The following GPC5 variants were observed in gnomAD, a reference collection of about 807,000 sequenced individuals.
The protein encoded by GPC5 is glypican-5.
GPC5 carries 47 observed loss-of-function variants against 53.9 expected under a neutral mutation model. That is an observed-to-expected ratio of 0.87 (90% confidence interval 0.69 to 1.11). GPC5 has a LOEUF of 1.11. Among genes scored for constraint, GPC5 ranks in the 50% most tolerant of loss-of-function variants. The pLI, the probability that GPC5 is intolerant of heterozygous loss-of-function variation, is 0.00. For synonymous variants in GPC5, 286 were observed against 263.3 expected, an observed-to-expected ratio of 1.09 and a Z score of -0.84; for missense variants, 748 against 713.1, an observed-to-expected ratio of 1.05 and a Z score of -0.56.
intron 2 of GPC5, among the ~76,000 whole-genome samples, chr13:91,555,478 G>T (rs1331629479): frequency 1.3e-5 from 2 of 151,860 alleles, no homozygotes; most frequent in African/African-American, 4.8e-5. Context: ...CGAGTACAGA[G>T]ATCCACCATT....
At chr13:92,399,744 A>G (rs150946661) in intron 7 of GPC5, among the ~76,000 whole-genome samples, 10 of 152,254 alleles carry the variant, frequency 6.6e-5, no homozygotes, top group Middle Eastern at 6.8e-3. Flanking sequence ...GCTGCTCCTT[A>G]AGACTTATTC....
At chr13:92,214,508 A>T (rs1246630194) in intron 7 of GPC5, among the ~76,000 whole-genome samples, 1 of 152,150 alleles carries the variant, frequency 6.6e-6, no homozygotes, top group East Asian at 1.9e-4. Context: ...AAGCCTTCAG[A>T]TACTATTCAC....
At chr13:92,061,384 T>C (rs982743954) in intron 6 of GPC5, among the ~76,000 whole-genome samples, 2 of 151,930 alleles carry the variant, frequency 1.3e-5, no homozygotes, top group Non-Finnish European at 2.9e-5. Flanking sequence ...AAACTAGAAA[T>C]TGAGTTATAG....
chr13:92,473,339 G>C (rs1349050023), intron 7 of GPC5, among the ~76,000 whole-genome samples: 2 of 152,122 alleles, frequency 1.3e-5, no homozygotes, highest in Non-Finnish European at 2.9e-5. Context: ...CGATCACACT[G>C]TTTCTCTTCA....
chr13:91,451,089 A>G (rs764858990), intron 2 of GPC5, among the ~76,000 whole-genome samples: 2 of 152,172 alleles, frequency 1.3e-5, no homozygotes, highest in Non-Finnish European at 2.9e-5. Context: ...AAAACAATAT[A>G]AAGTCTTTAT....
chr13:92,327,028 T>A (rs2043256950), intron 7 of GPC5, among the ~76,000 whole-genome samples: 2 of 152,082 alleles, frequency 1.3e-5, no homozygotes, highest in Non-Finnish European at 1.5e-5. Flanking sequence ...TGTTTCAGGG[T>A]TCTCTTTGTT....
At chr13:91,781,785 T>C (rs1311616255) in intron 5 of GPC5, among the ~76,000 whole-genome samples, 4 of 152,212 alleles carry the variant, frequency 2.6e-5, no homozygotes, top group Admixed American at 6.5e-5. Flanking sequence ...CCAAAGCTTG[T>C]GACTTTTAAT....
In GPC5 at chr13:92,752,851, T is replaced by C. The variant is rs577731659; in HGVS notation, c.1562-113431T>C. ...CTCGGAGGGACCTACGCCCAGGGAG[T>C]CTCGCTGATTGCTAGCACAGCAGTC... On this transcript the variant is annotated intron_variant, in intron 7 of 7. Coordinates refer to ENST00000377067, the MANE Select transcript of GPC5 (RefSeq NM_004466.6). Among the ~76,000 whole-genome samples, 4 of 151,052 alleles carry C rather than the reference T, an allele frequency of 2.6e-5. No individual in the cohort carries two copies. In the East Asian group the frequency reaches 5.9e-4, roughly 22 times the overall value.
At chr13:92,213,703 A>T (rs2042391028) in intron 7 of GPC5, among the ~76,000 whole-genome samples, 1 of 152,196 alleles carries the variant, frequency 6.6e-6, no homozygotes, top group Non-Finnish European at 1.5e-5. Flanking sequence ...AATAATAAAG[A>T]GTTCCTTTAT....
chr13:92,678,438 A>T (rs571611823), intron 7 of GPC5, among the ~76,000 whole-genome samples: 1 of 142,248 alleles, frequency 7.0e-6, no homozygotes, highest in East Asian at 2.0e-4. Flanking sequence ...GTATAAGAAC[A>T]TTCTCCATCA....
intron 7 of GPC5, among the ~76,000 whole-genome samples, chr13:92,178,164 C>T (rs1234504760): frequency 3.3e-5 from 5 of 152,184 alleles, no homozygotes. Context: ...GAAACAATTG[C>T]TTCAGTGAGC....
intron 2 of GPC5, among the ~76,000 whole-genome samples, chr13:91,477,735 G>C (rs151088393): frequency 6.6e-6 from 1 of 152,302 alleles, no homozygotes; most frequent in Non-Finnish European, 1.5e-5. Flanking sequence ...GCCAGGGCAA[G>C]AGTGAATTCT....
intron 2 of GPC5, among the ~76,000 whole-genome samples, chr13:91,601,289 TA>T (rs1236206515): frequency 1.3e-5 from 2 of 152,194 alleles, no homozygotes; most frequent in African/African-American, 4.8e-5. Context: ...AAATATTACC[TA>T]ATGAAATTTA....
intron 6 of GPC5, among the ~76,000 whole-genome samples, chr13:92,061,264 C>T (rs565201224): frequency 6.6e-5 from 10 of 152,080 alleles, no homozygotes; most frequent in African/African-American, 2.4e-4. Flanking sequence ...AAACCTATTG[C>T]ATTTGCAAGA....
At chr13:92,720,557 TTC>T (rs1388414954) in intron 7 of GPC5, among the ~76,000 whole-genome samples, 2 of 152,236 alleles carry the variant, frequency 1.3e-5, no homozygotes, top group Non-Finnish European at 2.9e-5. Context: ...GGGATTTTGT[TTC>T]TGTGTAATTG....
intron 7 of GPC5, among the ~76,000 whole-genome samples, chr13:92,739,585 T>A (rs1479489386): frequency 6.6e-6 from 1 of 152,028 alleles, no homozygotes; most frequent in Non-Finnish European, 1.5e-5. Flanking sequence ...TTATCAAAAT[T>A]GTGATCTAAA....
intron 7 of GPC5, among the ~76,000 whole-genome samples, chr13:92,325,780 G>A (rs2043246679): frequency 6.6e-6 from 1 of 152,014 alleles, no homozygotes; most frequent in Non-Finnish European, 1.5e-5. Context: ...TTATATAAAA[G>A]ACTAAGAATT....
intron 7 of GPC5, among the ~76,000 whole-genome samples, chr13:92,351,676 A>T (rs187661749): frequency 6.6e-5 from 10 of 152,308 alleles, no homozygotes; most frequent in African/African-American, 2.2e-4. Flanking sequence ...GCATAGAGAC[A>T]ATTAGTACAG....
intron 7 of GPC5, among the ~76,000 whole-genome samples, chr13:92,793,841 T>C (rs1466859024): frequency 2.0e-5 from 3 of 152,118 alleles, no homozygotes; most frequent in Non-Finnish European, 2.9e-5. Flanking sequence ...CAGGAAGAAG[T>C]TGAATCCCTG....
Sources: gnomAD v4.1 joint callset for allele counts (sites outside exome capture counted in the v4.1 genomes callset) on GRCh38, gnomAD v4.1.1 for gene constraint, MANE v1.5 for transcripts, NCBI Gene and HGNC (gene_info 2026-07-23, HGNC 2026-07-21) for gene names.